NTN4: variants seen among roughly 807,000 people sequenced by gnomAD.
NTN4 encodes netrin 4, also known as netrin-4.
In NTN4, 32 loss-of-function variants were observed where a neutral mutation model predicts 73.6. The observed-to-expected ratio is 0.44, with a 90% CI of 0.33 to 0.58. The LOEUF (loss-of-function observed/expected upper bound fraction) is 0.58. NTN4 is among the 20% of genes least tolerant of loss of function. NTN4 has a pLI of 0.04. For missense variants in NTN4, 654 were observed against 798.3 expected, an observed-to-expected ratio of 0.82 and a Z score of 2.18; for synonymous variants, 258 against 287.5, an observed-to-expected ratio of 0.90 and a Z score of 1.04.
intron 8 of NTN4, among the ~76,000 whole-genome samples, chr12:95,669,327 G>A (rs574016545): frequency 1.5e-4 from 23 of 152,146 alleles, no homozygotes; most frequent in African/African-American, 5.3e-4. Context: ...TACTTAGGCA[G>A]TGCCATTTCC....
At chr12:95,750,281 C>G (rs190936436) in intron 2 of NTN4, among the ~76,000 whole-genome samples, 1 of 151,764 alleles carries the variant, frequency 6.6e-6, no homozygotes, top group Non-Finnish European at 1.5e-5. Flanking sequence ...AGGTAAGAAC[C>G]GCCGAACCCC....
rs528508838 is a variant in NTN4 at position 95,773,374 on chromosome 12, T to C, written c.585+13565A>G. Among the ~76,000 whole-genome samples, 8 of 152,298 alleles carry C rather than the reference T, an allele frequency of 5.3e-5. No individual in the cohort carries two copies. The East Asian group carries it at 1.5e-3, about 29-fold the overall frequency. On this transcript the variant is annotated intron_variant, in intron 2 of 9. Transcript: ENST00000343702. ...TAAGTAAGCCCTGAATAACATATGG[T>C]TCAAATTGGGGCTCCTTTGAGGGAA...
intron 5 of NTN4, among the ~76,000 whole-genome samples, chr12:95,686,702 G>A (rs2078363619): frequency 6.7e-6 from 1 of 149,670 alleles, no homozygotes; most frequent in Admixed American, 6.6e-5. Flanking sequence ...AGGTTGCAAT[G>A]AGCTGAGATT....
At position 95,677,065 on chromosome 12, in the gene NTN4, T is replaced by A. The variant is rs186069529; in HGVS notation, c.1510+5642A>T. Among the ~76,000 whole-genome samples the A allele has an allele frequency of 5.9e-5, 9 of 152,218 alleles. No individual in the cohort carries two copies. In the East Asian group the frequency reaches 1.7e-3, roughly 29 times the overall value. On this transcript the variant is annotated intron_variant, in intron 7 of 9. Coordinates refer to ENST00000343702, the MANE Select transcript of NTN4 (RefSeq NM_021229.4). ...TCTTGGCTGACACTGTGAAACCCCA[T>A]CTCTACTAAAAATACAAAAAATTAG...
At position 95,716,329 on chromosome 12, in the gene NTN4, C is replaced by G. The variant is rs143406397; in HGVS notation, c.865-2991G>C. Among the ~76,000 whole-genome samples the G allele has an allele frequency of 1.2e-3, 186 of 152,002 alleles. No individual in the cohort carries two copies. The East Asian group carries it at 0.028, about 23-fold the overall frequency. ...GGTACATGGGATTTTCCTTAGGGAG[C>G]AAAGACAAGAATATAAAAACCCTAA... On this transcript the variant is annotated intron_variant, in intron 3 of 9. Transcript: ENST00000343702.
At chr12:95,713,374 A>G (rs758900831) in intron 3 of NTN4, 36 bp from the exon 4 acceptor site, 45 of 1,529,590 alleles carry the variant, frequency 2.9e-5, no homozygotes, top group Non-Finnish European at 3.8e-5. Context: ...ATGAGCACAC[A>G]TGTCGCCAAA....
At chr12:95,659,482 G>A (rs1339976858) in intron 9 of NTN4, among the ~76,000 whole-genome samples, 3 of 151,904 alleles carry the variant, frequency 2.0e-5, no homozygotes, top group Non-Finnish European at 4.4e-5. Context: ...ATTTTTTGTC[G>A]AGATGGGGTT....
intron 8 of NTN4, among the ~76,000 whole-genome samples, chr12:95,666,948 G>A (rs1482219503): frequency 6.6e-6 from 1 of 152,072 alleles, no homozygotes; most frequent in East Asian, 1.9e-4. Flanking sequence ...CAAAAAGTCT[G>A]TGCATAATTT....
chr12:95,675,502 C>G (rs1307953431), intron 7 of NTN4, among the ~76,000 whole-genome samples: 1 of 152,116 alleles, frequency 6.6e-6, no homozygotes, highest in African/African-American at 2.4e-5. Flanking sequence ...TTATCACAGA[C>G]ATTCTCAATC....
intron 3 of NTN4, among the ~76,000 whole-genome samples, chr12:95,720,087 T>G (rs1004199316): frequency 2.3e-4 from 35 of 152,226 alleles, no homozygotes; most frequent in African/African-American, 7.7e-4. Context: ...CCTGAAATTC[T>G]TTCTGTATAA....
At chr12:95,669,848 C>G (rs1036892716) in intron 8 of NTN4, among the ~76,000 whole-genome samples, 1 of 152,188 alleles carries the variant, frequency 6.6e-6, no homozygotes, top group Non-Finnish European at 1.5e-5. Flanking sequence ...GGTATAATAA[C>G]TCTACCTTTG....
At chr12:95,770,992 G>GTTTTGTTTTTCTTTTT (rs1555221586) in intron 2 of NTN4, among the ~76,000 whole-genome samples, 2 of 70,798 alleles carry the variant, frequency 2.8e-5, no homozygotes, top group Non-Finnish European at 3.4e-5. Context: ...AAAAGAATTT[G>GTTTTGTTTTTCTTTTT]TTTTTTTTTT....
intron 2 of NTN4, among the ~76,000 whole-genome samples, chr12:95,765,579 G>T (rs970543937): frequency 6.6e-6 from 1 of 152,134 alleles, no homozygotes; most frequent in Non-Finnish European, 1.5e-5. Context: ...TAGTTGTCTG[G>T]GCTTTAGAAG....
intron 5 of NTN4, among the ~76,000 whole-genome samples, chr12:95,697,137 T>C (rs1421285577): frequency 1.1e-4 from 16 of 151,564 alleles, no homozygotes; most frequent in Admixed American, 1.1e-3. Context: ...ATCATGCCAT[T>C]GCACTCCATT....
At position 95,738,019 on chromosome 12, in the gene NTN4, C is replaced by T. The variant is rs2078793004; in HGVS notation, c.711G>A (p.Gln237=). 2 of 1,614,154 alleles carry T rather than the reference C, an allele frequency of 1.2e-6. No individual in the cohort carries two copies. The highest frequency in any genetic ancestry group is 1.7e-6 in the Non-Finnish European group (2 of 1,180,018). Residue 237 remains glutamine, a synonymous_variant, in exon 3 of 10, where the codon CAG becomes CAA. Coordinates refer to ENST00000343702, the MANE Select transcript of NTN4 (RefSeq NM_021229.4). ...QLLKRQSCPC[Q]RNDLNEEPQH... ...GAGGCTCTTCGTTCAGGTCATTTCT[C>T]TGACAGGGACAAGACTGTCGTTTCA...
At chr12:95,680,157 G>A (rs1487005663) in intron 7 of NTN4, among the ~76,000 whole-genome samples, 1 of 152,100 alleles carries the variant, frequency 6.6e-6, no homozygotes, top group Non-Finnish European at 1.5e-5. Context: ...TTTATTAGCT[G>A]TTTTCCTTCA....
chr12:95,668,704 C>T (rs2078202238), intron 8 of NTN4, among the ~76,000 whole-genome samples: 1 of 152,184 alleles, frequency 6.6e-6, no homozygotes, highest in African/African-American at 2.4e-5. Flanking sequence ...AATAAAAAGT[C>T]TCAGGCTGGG....
At chr12:95,700,227 T>C (rs1363372267) in intron 5 of NTN4, among the ~76,000 whole-genome samples, 1 of 151,474 alleles carries the variant, frequency 6.6e-6, no homozygotes, top group East Asian at 1.9e-4. Flanking sequence ...GCCTCCTGAG[T>C]TGCTGGGACT....
chr12:95,727,891 T>C (rs1033993566), intron 3 of NTN4, among the ~76,000 whole-genome samples: 5 of 152,212 alleles, frequency 3.3e-5, no homozygotes, highest in African/African-American at 1.2e-4. Context: ...TTGGAGAGTA[T>C]TGTCATTTTA....
Sources: allele counts gnomAD v4.1 joint callset (sites outside exome capture counted in the v4.1 genomes callset), GRCh38; gene constraint gnomAD v4.1.1; transcripts MANE v1.5; gene names NCBI Gene and HGNC (gene_info 2026-07-23, HGNC 2026-07-21).